Variants in NMNAT3 observed in about 807,000 individuals in gnomAD.
NMNAT3 encodes the protein nicotinamide nucleotide adenylyltransferase 3.
NMNAT3 carries 21 observed loss-of-function variants against 24.8 expected under a neutral mutation model. The ratio of observed to expected loss-of-function variants is 0.85; its 90% CI spans 0.60 to 1.22. The LOEUF (loss-of-function observed/expected upper bound fraction) is 1.22, where lower values mean the gene tolerates loss of function less well. Among genes scored for constraint, NMNAT3 ranks in the 50% most tolerant of loss-of-function variants. The probability of loss-of-function intolerance (pLI) is 0.00; values close to 1 mark genes in which losing one functional copy is unlikely to be tolerated. For missense variants in NMNAT3, 387 were observed against 436.6 expected (o/e 0.89, Z 1.01); for synonymous variants, 136 against 155.2 (o/e 0.88, Z 0.92).
At position 139,659,312 on chromosome 3, in the gene NMNAT3, G is replaced by A. The variant is rs894131246; in HGVS notation, c.-141+18393C>T. Among the ~76,000 whole-genome samples the A allele has an allele frequency of 2.6e-5, 4 of 152,150 alleles. No homozygotes were observed. In the East Asian group the frequency reaches 5.8e-4, roughly 22 times the overall value. On this transcript the variant is annotated intron_variant, in intron 1 of 6. Transcript: ENST00000643695. ...AAGTTAGCATAGCCCTCTGGCCCAC[G>A]AGAGTGTATGAAGAACATAAATAGT...
chr3:139,583,346 T>C, intron 3 of NMNAT3: 2 of 1,466,246 alleles, frequency 1.4e-6, no homozygotes, highest in Non-Finnish European at 1.9e-6. Context: ...AAGTGGAATC[T>C]GTTCAATAGG....
chr3:139,573,737 C>A, intron 5 of NMNAT3, 57 bp from the exon 6 acceptor site: 2 of 971,768 alleles, frequency 2.1e-6, no homozygotes, highest in Non-Finnish European at 3.0e-6. Flanking sequence ...TCAAAGCCAC[C>A]CAGGGATTTT....
chr3:139,655,837 C>T (rs1255173610), intron 1 of NMNAT3, among the ~76,000 whole-genome samples: 1 of 152,180 alleles, frequency 6.6e-6, no homozygotes, highest in African/African-American at 2.4e-5. Context: ...TTGCAGCAAA[C>T]CAGAGGTGAG....
chr3:139,583,278 T>A (rs1318873129), intron 3 of NMNAT3: 1 of 1,272,690 alleles, frequency 7.9e-7, no homozygotes, highest in African/African-American at 1.5e-5. Context: ...ATAGCAGTAC[T>A]TTTACCATCT....
rs1202238975 is a variant in NMNAT3, at chr3:139,583,376, T to C, written c.110-168A>G. On this transcript the variant is annotated intron_variant, in intron 3 of 6. Transcript: ENST00000643695. ...AATAGGTACATTTTCAACTGGAATGTAACATGTAGAGCAGTAGAACATTCT... is the reference window on the plus strand; with the variant it reads ...AATAGGTACATTTTCAACTGGAATGCAACATGTAGAGCAGTAGAACATTCT... 1.9e-6 allele frequency: 3 copies of C among 1,556,198 alleles called. No homozygotes were observed. The Admixed American group carries it at 5.0e-5, about 26-fold the overall frequency.
At chr3:139,653,056 G>C (rs941934192) in intron 1 of NMNAT3, among the ~76,000 whole-genome samples, 2 of 152,180 alleles carry the variant, frequency 1.3e-5, no homozygotes, top group Non-Finnish European at 2.9e-5. Context: ...GGAAAGGATA[G>C]ATTGGCAGCG....
intron 1 of NMNAT3, among the ~76,000 whole-genome samples, chr3:139,652,627 G>A (rs948752391): frequency 2.0e-5 from 3 of 152,168 alleles, no homozygotes; most frequent in African/African-American, 4.8e-5. Flanking sequence ...GCCCTTGTGA[G>A]GACTTTACTA....
At chr3:139,651,838 C>T (rs2057066140) in intron 1 of NMNAT3, among the ~76,000 whole-genome samples, 1 of 152,208 alleles carries the variant, frequency 6.6e-6, no homozygotes, top group Admixed American at 6.5e-5. Flanking sequence ...CTCAGTGCTC[C>T]TGCTCCAACC....
At chr3:139,667,927 GA>G (rs1419680980) in intron 1 of NMNAT3, among the ~76,000 whole-genome samples, 1 of 152,226 alleles carries the variant, frequency 6.6e-6, no homozygotes, top group Admixed American at 6.5e-5. Flanking sequence ...AGCCACATGA[GA>G]AAGCATTCAA....
At chr3:139,617,552 C>T (rs1467845435) in intron 3 of NMNAT3, among the ~76,000 whole-genome samples, 2 of 152,148 alleles carry the variant, frequency 1.3e-5, no homozygotes, top group Non-Finnish European at 2.9e-5. Flanking sequence ...ACTTAGAGCA[C>T]TACGTGGCAA....
rs1939739432 is a variant in NMNAT3, at chr3:139,578,910, A to T, written c.537T>A (p.Ser179Arg). ...CTGTCTCCATCCACTGTGCCTGCTC[A>T]CTCTCCCAAGGGTCCACCCGGATCC... Residue 179 changes from serine to arginine, a missense_variant, in exon 5 of 7, where the codon AGT (serine) becomes AGA (arginine). By Grantham distance (110) the Ser-to-Arg change is moderately radical (BLOSUM62 -1). Around this residue, in one of 3 missense-constraint regions of NMNAT3, gnomAD observed 323 missense variants for 345.2 expected, o/e 0.94. Coordinates refer to ENST00000643695, the MANE Select transcript of NMNAT3 (RefSeq NM_001320510.2). 1 of 1,613,230 alleles carries T rather than the reference A, an allele frequency of 6.2e-7. No individual in the cohort carries two copies. The highest frequency in any genetic ancestry group is 8.5e-7 in the Non-Finnish European group (1 of 1,179,826).
At chr3:139,653,377 G>A (rs2057122121) in intron 1 of NMNAT3, among the ~76,000 whole-genome samples, 1 of 152,124 alleles carries the variant, frequency 6.6e-6, no homozygotes, top group Non-Finnish European at 1.5e-5. Flanking sequence ...ATGGAAATCA[G>A]GAGTTATAAA....
At chr3:139,591,836 G>T (rs1260645345) in intron 3 of NMNAT3, among the ~76,000 whole-genome samples, 1 of 152,180 alleles carries the variant, frequency 6.6e-6, no homozygotes, top group Non-Finnish European at 1.5e-5. Flanking sequence ...CATCATCAAA[G>T]ACCAAAAGTA....
At chr3:139,582,906 A>AT in intron 4 of NMNAT3, 1 of 1,383,762 alleles carries the variant, frequency 7.2e-7, no homozygotes, top group African/African-American at 1.5e-5. Context: ...CAGTCCAAAA[A>AT]AATATATATA....
chr3:139,652,402 C>T (rs1047642549), intron 1 of NMNAT3, among the ~76,000 whole-genome samples: 2 of 152,200 alleles, frequency 1.3e-5, no homozygotes, highest in African/African-American at 2.4e-5. Context: ...GCTATTACTC[C>T]ACCTTTGCAG....
chr3:139,575,766 G>A (rs1576541685), intron 5 of NMNAT3: 3 of 1,137,514 alleles, frequency 2.6e-6, no homozygotes, highest in Non-Finnish European at 3.3e-6. Flanking sequence ...CCTGTGGATT[G>A]ACCCTGGGGG....
rs1266762766 is a variant in NMNAT3, at chr3:139,660,749, CA to C, written c.-141+16955del. Among the ~76,000 whole-genome samples, 6 of 152,256 alleles carry C rather than the reference CA, an allele frequency of 3.9e-5. 1 individual carries two copies. The highest frequency in any genetic ancestry group is 3.4e-3 in the Middle Eastern group (1 of 294). On this transcript the variant is annotated intron_variant, in intron 1 of 6. Transcript: ENST00000643695. ...TTACAGTTAGAAGATAAGGTAACAA[CA>C]AACACTCCAAGGGCTGCTCCTTTTC... is the stretch of plus-strand genomic sequence containing the variant.
chr3:139,596,929 T>TATATAC (rs2054493503), intron 3 of NMNAT3, among the ~76,000 whole-genome samples: 1 of 26,796 alleles, frequency 3.7e-5, no homozygotes, highest in Non-Finnish European at 7.7e-5. Context: ...TATATATATA[T>TATATAC]ATATATATAT....
At chr3:139,617,132 T>C (rs2055544443) in intron 3 of NMNAT3, among the ~76,000 whole-genome samples, 1 of 152,222 alleles carries the variant, frequency 6.6e-6, no homozygotes, top group Non-Finnish European at 1.5e-5. Context: ...CTGGACCCTC[T>C]GTCTGCATTA....
Sources: allele counts gnomAD v4.1 joint callset (sites outside exome capture counted in the v4.1 genomes callset), GRCh38; gene constraint gnomAD v4.1.1; regional missense constraint gnomAD v4.1.1; transcripts MANE v1.5; gene names NCBI Gene and HGNC (gene_info 2026-07-23, HGNC 2026-07-21).